Variants in SNX18 observed in about 807,000 individuals in gnomAD.
The protein encoded by SNX18 is sorting nexin 18.
A neutral mutation model predicts 48.7 loss-of-function variants in SNX18; 35 were observed. The observed-to-expected ratio is 0.72, with a 90% confidence interval of 0.55 to 0.95. The LOEUF is 0.95. Among genes scored for constraint, SNX18 ranks in the 40% least tolerant of loss-of-function variants. The pLI is 0.00. For synonymous variants in SNX18, 492 were observed against 384.7 expected, an observed-to-expected ratio of 1.28 and a Z score of -3.26; for missense variants, 824 against 871.0, an observed-to-expected ratio of 0.95 and a Z score of 0.68.
At chr5:54,622,794 T>A in the SNX18 span, among the ~76,000 whole-genome samples, 1 of 152,170 alleles carries the variant, frequency 6.6e-6, no homozygotes, top group African/African-American at 2.4e-5. Context: ...GATGGTGTTA[T>A]CCCCATTTTG....
the SNX18 span, among the ~76,000 whole-genome samples, chr5:54,588,377 G>T: frequency 8.1e-6 from 1 of 123,124 alleles, no homozygotes; most frequent in Non-Finnish European, 1.6e-5. Context: ...ACCCAGGCTG[G>T]AGTGCAGTGG....
Position 54,518,155 on chromosome 5 carries a change from G to T in SNX18, c.203G>T (p.Gly68Val). 7.2e-7 allele frequency: 1 copy of T among 1,395,012 alleles called. No homozygotes were observed. Among genetic ancestry groups the T allele is most frequent in the Non-Finnish European group, 9.2e-7 (1 of 1,081,374 alleles). 86.4% of individuals were successfully genotyped at this position (1,395,012 alleles called of 1,614,324 possible). Reference sequence around the variant, plus strand: ...CGCGCCCCCGAGCCTGGCCCGGCGGGAGACGGCGGCCCGGGCGCCCCGGCC... The same window carrying T: ...CGCGCCCCCGAGCCTGGCCCGGCGGTAGACGGCGGCCCGGGCGCCCCGGCC... ...VIRAPEPGPA[G>V]DGGPGAPARY... The change falls in exon 1 of 2, where the codon GGA (glycine) becomes GTA (valine). Residue 68 changes from glycine to valine, a missense_variant. This residue lies in a region of SNX18 where 377 missense variants were observed against 350.6 expected (regional missense o/e 1.08). Transcript: ENST00000381410.
chr5:54,579,328 G>A, the SNX18 span, among the ~76,000 whole-genome samples: 1 of 119,374 alleles, frequency 8.4e-6, no homozygotes, highest in Admixed American at 9.7e-5. Context: ...GGGTGAGAGA[G>A]CCAGACCCTG....
chr5:54,641,551 A>G, the SNX18 span, among the ~76,000 whole-genome samples: 1 of 152,144 alleles, frequency 6.6e-6, no homozygotes, highest in Non-Finnish European at 1.5e-5. Context: ...ACAGAGAAGA[A>G]CACCTTTAGG....
chr5:54,594,425 G>C, the SNX18 span, among the ~76,000 whole-genome samples: 3 of 152,186 alleles, frequency 2.0e-5, no homozygotes, highest in Non-Finnish European at 4.4e-5. Context: ...TCTTAGAAAG[G>C]CCTGCTTGGA....
chr5:54,585,420 T>C, the SNX18 span, among the ~76,000 whole-genome samples: 3 of 144,834 alleles, frequency 2.1e-5, no homozygotes, highest in East Asian at 6.3e-4. Flanking sequence ...ATGGTTATAC[T>C]TATAAAGCAG....
chr5:54,616,297 G>T, the SNX18 span, among the ~76,000 whole-genome samples: 2 of 152,152 alleles, frequency 1.3e-5, no homozygotes, highest in Non-Finnish European at 2.9e-5. Flanking sequence ...TCTGGCTCGG[G>T]TCAGTTTTCA....
At chr5:54,645,044 T>C in the SNX18 span, 16 of 152,316 alleles carry the variant, frequency 1.1e-4, no homozygotes, top group African/African-American at 2.6e-4. Flanking sequence ...CACAGGTGAT[T>C]TGCATGCACA....
chr5:54,613,883 T>TG, the SNX18 span, among the ~76,000 whole-genome samples: 6 of 152,234 alleles, frequency 3.9e-5, no homozygotes, highest in African/African-American at 7.2e-5. Flanking sequence ...TCAGTAGAGA[T>TG]GGGGTTTCTC....
chr5:54,638,461 T>C, the SNX18 span, among the ~76,000 whole-genome samples: 3 of 152,226 alleles, frequency 2.0e-5, no homozygotes, highest in Non-Finnish European at 4.4e-5. Flanking sequence ...CATCTTTAAA[T>C]GAAACTTGAG....
At chr5:54,535,674 G>T (rs13161134) in intron 1 of SNX18, among the ~76,000 whole-genome samples, 4 of 151,976 alleles carry the variant, frequency 2.6e-5, no homozygotes, top group Non-Finnish European at 5.9e-5. Flanking sequence ...TGTGGAGGTG[G>T]GGTCTTTGCC....
chr5:54,568,485 T>C, the SNX18 span, among the ~76,000 whole-genome samples: 1 of 152,178 alleles, frequency 6.6e-6, no homozygotes, highest in Non-Finnish European at 1.5e-5. Context: ...CTTGACTCAT[T>C]GCTCTTTCCA....
the SNX18 span, among the ~76,000 whole-genome samples, chr5:54,563,944 A>G: frequency 6.6e-6 from 1 of 152,104 alleles, no homozygotes; most frequent in South Asian, 2.1e-4. Context: ...AGGTTTATAC[A>G]TTTCTTTTTC....
chr5:54,643,960 C>T, the SNX18 span: 1 of 152,226 alleles, frequency 6.6e-6, no homozygotes, highest in Non-Finnish European at 1.5e-5. Context: ...ATTGTTTCTT[C>T]ACTTTGGGTG....
chr5:54,573,239 C>T, the SNX18 span, among the ~76,000 whole-genome samples: 5 of 152,168 alleles, frequency 3.3e-5, no homozygotes, highest in Non-Finnish European at 4.4e-5. Context: ...CTAGGGCAGA[C>T]GCGTTCCTCC....
At chr5:54,573,794 G>T in the SNX18 span, among the ~76,000 whole-genome samples, 1 of 152,160 alleles carries the variant, frequency 6.6e-6, no homozygotes, top group Non-Finnish European at 1.5e-5. Flanking sequence ...AGGAAAAGCA[G>T]GTAAGAGATA....
chr5:54,550,646 C>T (rs964616434), downstream of SNX18, among the ~76,000 whole-genome samples: 2 of 152,080 alleles, frequency 1.3e-5, no homozygotes, highest in Non-Finnish European at 2.9e-5. Context: ...TGCAGTGGTG[C>T]GATCTTAGCT....
chr5:54,634,443 G>A, the SNX18 span, among the ~76,000 whole-genome samples: 1,027 of 152,270 alleles, frequency 6.7e-3, 12 homozygotes, highest in African/African-American at 0.023. Flanking sequence ...TGTGGCCCAC[G>A]GGCTGCTGCA....
the SNX18 span, among the ~76,000 whole-genome samples, chr5:54,630,765 C>T: frequency 1.4e-5 from 2 of 145,296 alleles, no homozygotes; most frequent in African/African-American, 5.2e-5. Context: ...ATCCAGGAGG[C>T]AGAGGTTGCA....
Sources: allele counts gnomAD v4.1 joint callset (sites outside exome capture counted in the v4.1 genomes callset), GRCh38; gene constraint gnomAD v4.1.1; regional missense constraint gnomAD v4.1.1; transcripts MANE v1.5; gene names NCBI Gene and HGNC (gene_info 2026-07-23, HGNC 2026-07-21).